Variants in GPC6 observed in about 807,000 individuals in gnomAD.
GPC6 encodes the protein glypican-6.
In GPC6, 14 loss-of-function variants were observed where a neutral mutation model predicts 55.2. That is an observed-to-expected ratio of 0.25 (90% CI 0.17 to 0.40). The LOEUF is 0.40. GPC6 is among the 10% of genes least tolerant of loss of function. The pLI is 1.00. For synonymous variants in GPC6, 278 were observed against 259.6 expected, an observed-to-expected ratio of 1.07 and a Z score of -0.68; for missense variants, 641 against 708.5, an observed-to-expected ratio of 0.90 and a Z score of 1.08.
intron 1 of GPC6, among the ~76,000 whole-genome samples, chr13:93,463,533 G>A (rs1054820781): frequency 3.3e-5 from 5 of 152,110 alleles, no homozygotes; most frequent in African/African-American, 1.2e-4. Flanking sequence ...ATGTTTGAGA[G>A]CTGTGGTTTG....
intron 4 of GPC6, among the ~76,000 whole-genome samples, chr13:94,207,364 G>C (rs1056962070): frequency 6.6e-6 from 1 of 152,114 alleles, no homozygotes; most frequent in Non-Finnish European, 1.5e-5. Flanking sequence ...CCATATTTCC[G>C]ATCTTCCCAC....
intron 3 of GPC6, among the ~76,000 whole-genome samples, chr13:93,929,503 A>G (rs1878045060): frequency 6.6e-6 from 1 of 152,194 alleles, no homozygotes; most frequent in Admixed American, 6.5e-5. Flanking sequence ...AATCCTGACA[A>G]TATACCAATT....
upstream of GPC6, among the ~76,000 whole-genome samples, chr13:93,224,424 C>T (rs1159946667): frequency 2.0e-5 from 3 of 149,202 alleles, no homozygotes; most frequent in Non-Finnish European, 4.4e-5. Flanking sequence ...AAACTCCCGA[C>T]CTCAGGTGAT....
intron 1 of GPC6, among the ~76,000 whole-genome samples, chr13:93,496,353 A>G (rs529686034): frequency 6.6e-6 from 1 of 152,222 alleles, no homozygotes; most frequent in South Asian, 2.1e-4. Flanking sequence ...GCGCTTCCCA[A>G]GTGAGGCAAT....
intron 3 of GPC6, among the ~76,000 whole-genome samples, chr13:93,875,039 G>A (rs1336038760): frequency 1.3e-5 from 2 of 151,990 alleles, no homozygotes; most frequent in African/African-American, 4.8e-5. Flanking sequence ...AAAAGAGAGA[G>A]AGAGAATAAA....
intron 3 of GPC6, among the ~76,000 whole-genome samples, chr13:93,881,944 A>G (rs1484431707): frequency 6.6e-6 from 1 of 152,020 alleles, no homozygotes; most frequent in Non-Finnish European, 1.5e-5. Flanking sequence ...TAAGGAAAAA[A>G]TTAACCGAGG....
chr13:93,500,283 G>C lies in GPC6; in HGVS notation c.161-44980G>C, dbSNP rs118145142. Among the ~76,000 whole-genome samples, 47 of 152,206 alleles carry C rather than the reference G, an allele frequency of 3.1e-4. No individual in the cohort carries two copies. The East Asian group carries it at 9.1e-3, about 29-fold the overall frequency. ...ATCTGATGATTCCTGTAATAACTTG[G>C]TAAGGAATAAGAAAGCAAAACACTT... is the stretch of plus-strand genomic sequence containing the variant. On this transcript the variant is annotated intron_variant, in intron 1 of 8. Transcript: ENST00000377047.
At position 93,474,187 on chromosome 13, in the gene GPC6, T is replaced by C. The variant is rs560433001; in HGVS notation, c.161-71076T>C. Among the ~76,000 whole-genome samples the C allele has an allele frequency of 4.6e-5, 7 of 152,314 alleles. No homozygotes were observed. The East Asian group carries it at 1.2e-3, about 25-fold the overall frequency. On this transcript the variant is annotated intron_variant, in intron 1 of 8. Coordinates refer to ENST00000377047, the MANE Select transcript of GPC6 (RefSeq NM_005708.5). ...CTTTCAACTTGCCTTCTGTAGGTTG[T>C]AGTCCTGATGTCAGATAAGTTTTCA...
At chr13:93,338,389 T>C (rs975840380) in intron 1 of GPC6, among the ~76,000 whole-genome samples, 2 of 152,214 alleles carry the variant, frequency 1.3e-5, no homozygotes, top group African/African-American at 4.8e-5. Flanking sequence ...CTCTTCTTCC[T>C]AATCAGTTTC....
chr13:93,831,109 G>A (rs9589852), intron 3 of GPC6, among the ~76,000 whole-genome samples: 7,593 of 152,228 alleles, frequency 0.05, 575 homozygotes, highest in African/African-American at 0.17. Context: ...TGAGTACCAA[G>A]TATAGATTCT....
chr13:94,118,332 G>A (rs1886506282), intron 4 of GPC6, among the ~76,000 whole-genome samples: 1 of 152,024 alleles, frequency 6.6e-6, no homozygotes. Flanking sequence ...ATATGAAAAT[G>A]GATATGTTTG....
At chr13:93,873,311 C>T (rs1889187273) in intron 3 of GPC6, among the ~76,000 whole-genome samples, 1 of 151,848 alleles carries the variant, frequency 6.6e-6, no homozygotes, top group African/African-American at 2.4e-5. Context: ...TTAACATTGC[C>T]TCTTTCTTTT....
At chr13:94,057,351 T>C (rs1029969359) in intron 4 of GPC6, among the ~76,000 whole-genome samples, 7 of 152,208 alleles carry the variant, frequency 4.6e-5, no homozygotes, top group Non-Finnish European at 1.0e-4. Context: ...GCTCAGATTA[T>C]TGAAACCTTA....
At chr13:94,151,840 A>G (rs1887753807) in intron 4 of GPC6, among the ~76,000 whole-genome samples, 1 of 152,194 alleles carries the variant, frequency 6.6e-6, no homozygotes, top group African/African-American at 2.4e-5. Flanking sequence ...TGTTATCCTT[A>G]GTGCAGAGTA....
intron 1 of GPC6, among the ~76,000 whole-genome samples, chr13:93,387,512 T>C (rs1875454833): frequency 6.6e-6 from 1 of 152,210 alleles, no homozygotes. Flanking sequence ...AACTCATTCT[T>C]TTTTATGGCT....
intron 3 of GPC6, among the ~76,000 whole-genome samples, chr13:93,949,365 A>G (rs751960637): frequency 5.9e-5 from 9 of 152,340 alleles, no homozygotes; most frequent in Middle Eastern, 3.4e-3. Context: ...GTTCATGCTC[A>G]TGGTGATAGT....
intron 1 of GPC6, among the ~76,000 whole-genome samples, chr13:93,269,956 T>G (rs1016454571): frequency 1.4e-5 from 2 of 144,630 alleles, no homozygotes; most frequent in African/African-American, 5.1e-5. Context: ...AAAAGAGATA[T>G]GAGTAAGTTT....
At chr13:94,395,712 A>C (rs1880865400) in intron 7 of GPC6, among the ~76,000 whole-genome samples, 1 of 152,224 alleles carries the variant, frequency 6.6e-6, no homozygotes, top group African/African-American at 2.4e-5. Flanking sequence ...TGTAGATAGG[A>C]ATAATAAAAT....
chr13:93,722,065 T>G lies in GPC6; in HGVS notation c.320-108089T>G, dbSNP rs1883473656. On this transcript the variant is annotated intron_variant, in intron 2 of 8. Transcript: ENST00000377047. ...CAGCAGATAAATGATTTTAAATAGCTTCACTTAAGTACTTTAATAAATAAC... is the reference window on the plus strand; with the variant it reads ...CAGCAGATAAATGATTTTAAATAGCGTCACTTAAGTACTTTAATAAATAAC... Among the ~76,000 whole-genome samples, 2 of 151,780 alleles carry G rather than the reference T, an allele frequency of 1.3e-5. 1 individual carries two copies. The highest frequency in any genetic ancestry group is 4.1e-4 in the South Asian group (2 of 4,820).
Sources: allele counts gnomAD v4.1 joint callset (sites outside exome capture counted in the v4.1 genomes callset), GRCh38; gene constraint gnomAD v4.1.1; transcripts MANE v1.5; gene names NCBI Gene and HGNC (gene_info 2026-07-23, HGNC 2026-07-21).